The following POLDIP2 variants were observed in gnomAD, a reference collection of about 807,000 sequenced individuals.
POLDIP2 encodes the protein DNA polymerase delta interacting protein 2.
Under a neutral mutation model 52.9 loss-of-function variants are expected in POLDIP2, and 32 were observed. That is an observed-to-expected ratio of 0.61 (90% CI 0.46 to 0.81). The LOEUF (loss-of-function observed/expected upper bound fraction) is 0.81, where lower values mean the gene tolerates loss of function less well. POLDIP2 is among the 40% of genes least tolerant of loss of function. The pLI, the probability that POLDIP2 is intolerant of heterozygous loss-of-function variation, is 0.00. For missense variants in POLDIP2, 371 were observed against 477.3 expected, an observed-to-expected ratio of 0.78 and a Z score of 2.07; for synonymous variants, 183 against 183.0, an observed-to-expected ratio of 1.00 and a Z score of 0.00.
intron 10 of POLDIP2, among the ~76,000 whole-genome samples, chr17:28,348,791 A>G (rs1217134794): frequency 6.6e-6 from 1 of 152,236 alleles, no homozygotes; most frequent in Non-Finnish European, 1.5e-5. Flanking sequence ...CTGCATTTTC[A>G]GGTAAAGGAG....
At chr17:28,351,124 C>T (rs757794071) in intron 7 of POLDIP2, among the ~76,000 whole-genome samples, 3 of 152,180 alleles carry the variant, frequency 2.0e-5, no homozygotes, top group Non-Finnish European at 1.5e-5. Flanking sequence ...AGCCCCTGTC[C>T]TCCTCCTGTC....
At chr17:28,354,692 T>A in intron 2 of POLDIP2, 107 bp from the exon 3 acceptor site, 2 of 712,478 alleles carry the variant, frequency 2.8e-6, no homozygotes, top group Admixed American at 4.2e-5. Context: ...CACAAGGTCT[T>A]GCTACCTCTT....
Position 28,352,894 on chromosome 17 carries a change from C to A in POLDIP2, c.622+18G>T. ...AAAAGGCCCTCCCATTCCACCTCCC[C>A]TTCTTGAGAGAGATTACCTTTTGTC... On this transcript the variant is annotated intron_variant, in intron 6 of 10. Transcript: ENST00000540200. 1 of 1,507,050 alleles carries A rather than the reference C, an allele frequency of 6.6e-7. No individual in the cohort carries two copies. Among genetic ancestry groups the A allele is most frequent in the Non-Finnish European group, 9.2e-7 (1 of 1,086,066 alleles). The allele number at this position is 1,507,050 out of a possible 1,614,324, so 93.4% of individuals were successfully genotyped here. A position where few individuals can be genotyped will look rare whatever the true frequency, so the allele number is the denominator to read the frequency against.
intron 1 of POLDIP2, among the ~76,000 whole-genome samples, chr17:28,356,341 T>A (rs1908027385): frequency 6.6e-6 from 1 of 152,168 alleles, no homozygotes; most frequent in South Asian, 2.1e-4. Context: ...CTTATCTTTA[T>A]TAAATACTGT....
rs1183514915 is a variant in POLDIP2 at position 28,347,946 on chromosome 17, A to G, written c.*171T>C. ...GAGGCCAGCCTTGGAGGTGTCCCAC[A>G]TGGGTCTTCTGAAGAAAAGTTATAC... On this transcript the variant is annotated 3_prime_UTR_variant, in exon 11 of 11. Transcript: ENST00000540200. The G allele has an allele frequency of 3.3e-6, 2 of 600,716 alleles. No homozygotes were observed. The highest frequency in any genetic ancestry group is 5.6e-5 in the East Asian group (2 of 35,960). The allele number at this position is 600,716 out of a possible 1,614,324, so 37.2% of individuals were successfully genotyped here.
intron 4 of POLDIP2, 99 bp from the exon 5 acceptor site, chr17:28,353,415 G>A (rs1306156800): frequency 8.6e-6 from 6 of 694,352 alleles, no homozygotes; most frequent in Admixed American, 6.1e-5. Flanking sequence ...CCAGCTACTC[G>A]GGTGGCTGAG....
chr17:28,353,933 G>A, intron 3 of POLDIP2, 142 bp from the exon 4 acceptor site: 1 of 656,550 alleles, frequency 1.5e-6, no homozygotes, highest in Admixed American at 2.3e-5. Context: ...CTGCTCTGCA[G>A]CACCTCAGCT....
chr17:28,357,299 G>A lies in POLDIP2; in HGVS notation c.150C>T (p.His50=), dbSNP rs782441619. Residue 50 remains histidine (H), a synonymous_variant, in exon 1 of 11, where the codon CAC becomes CAT. Coordinates refer to ENST00000540200, the MANE Select transcript of POLDIP2 (RefSeq NM_015584.5). The part of the protein sequence containing the change: ...SPASTTTTRR[H]LSSRNRPEGK... ...GCTCCGTCCCTCACCGGGACGAGAG[G>A]TGCCTCCGCGTCGTCGTGGTCGACG... 4.4e-5 allele frequency: 69 copies of A among 1,577,998 alleles called. 2 individuals are homozygous for A. Among genetic ancestry groups the A allele is most frequent in the South Asian group, 2.8e-4 (25 of 89,246 alleles).
intron 6 of POLDIP2, among the ~76,000 whole-genome samples, 182 bp downstream of exon 6, chr17:28,352,730 G>A (rs1597800848): frequency 6.6e-6 from 1 of 151,694 alleles, no homozygotes; most frequent in Non-Finnish European, 1.5e-5. Context: ...GTAGAGACAG[G>A]GTTTCACCAG....
Position 28,348,169 on chromosome 17 carries a change from G to A in POLDIP2, c.1055C>T (p.Ser352Phe), listed in dbSNP as rs1555579310. The change falls in exon 11 of 11, where the codon TCC becomes TTC. Residue 352 changes from serine (S) to phenylalanine (F), a missense_variant. Ser to Phe is a radical substitution (Grantham distance 155). Coordinates refer to ENST00000540200, the MANE Select transcript of POLDIP2 (RefSeq NM_015584.5). ...CTTCTCATCTTTATTGCTTTCCAGG[G>A]AGAAGGGAGGAATCCGAACATCAAA... ...SHFDVRIPPF[S>F]LESNKDEKTP... 2 of 1,613,952 alleles carry A rather than the reference G, an allele frequency of 1.2e-6. No individual in the cohort carries two copies. The highest frequency in any genetic ancestry group is 2.2e-5 in the East Asian group (1 of 44,886).
At chr17:28,352,863 T>C (rs782677674) in intron 6 of POLDIP2, 49 bp downstream of exon 6, 1 of 1,145,180 alleles carries the variant, frequency 8.7e-7, no homozygotes, top group Non-Finnish European at 1.3e-6. Context: ...ATGATATTCT[T>C]TGATGAAAAG....
Position 28,347,586 on chromosome 17 carries a change from G to C in POLDIP2, c.*531C>G, listed in dbSNP as rs117812302. On this transcript the variant is annotated 3_prime_UTR_variant, in exon 11 of 11. Coordinates refer to ENST00000540200, the MANE Select transcript of POLDIP2 (RefSeq NM_015584.5). ...ATTTGGCAGAAGGTAAAGTGAACAAGAGTCCAGTCCAGCACCCCCGCCAAC... is the reference window on the plus strand; with the variant it reads ...ATTTGGCAGAAGGTAAAGTGAACAACAGTCCAGTCCAGCACCCCCGCCAAC... 3.5e-3 allele frequency: 536 copies of C among 154,312 alleles called. 4 individuals carry two copies. The highest frequency in any genetic ancestry group is 0.013 in the East Asian group (67 of 5,200). The allele number at this position is 154,312 out of a possible 1,614,324, so 9.6% of individuals were successfully genotyped here.
At chr17:28,348,339 A>C in intron 10 of POLDIP2, 108 bp from the exon 11 acceptor site, 2 of 684,444 alleles carry the variant, frequency 2.9e-6, no homozygotes, top group South Asian at 3.5e-5. Context: ...TGTGAGCCTG[A>C]GCTCTCTTCT....
chr17:28,349,042 G>C (rs1907695892), intron 10 of POLDIP2, 41 bp downstream of exon 10: 7 of 1,411,678 alleles, frequency 5.0e-6, no homozygotes, highest in Non-Finnish European at 7.0e-6. Flanking sequence ...GCTTCTGTTT[G>C]TGGAGCTGGG....
intron 3 of POLDIP2, 50 bp from the exon 4 acceptor site, chr17:28,353,841 T>C: frequency 1.6e-6 from 2 of 1,247,380 alleles, no homozygotes; most frequent in East Asian, 2.3e-5. Context: ...AAATGGAAGC[T>C]GTGGCTGACT....
chr17:28,350,707 C>T, intron 8 of POLDIP2, 59 bp downstream of exon 8: 1 of 1,562,404 alleles, frequency 6.4e-7, no homozygotes, highest in Non-Finnish European at 8.7e-7. Flanking sequence ...TCCCCCACCT[C>T]CACCCTGACC....
intron 8 of POLDIP2, 21 bp from the exon 9 acceptor site, chr17:28,350,584 A>T: frequency 6.2e-7 from 1 of 1,601,648 alleles, no homozygotes; most frequent in African/African-American, 1.3e-5. Flanking sequence ...TGTGGGAGAG[A>T]GAGTTTAAAA....
intron 2 of POLDIP2, 43 bp downstream of exon 2, chr17:28,355,752 G>T: frequency 6.8e-7 from 1 of 1,464,856 alleles, no homozygotes; most frequent in East Asian, 2.3e-5. Context: ...TTCAGAAGCA[G>T]AGCACTCTAT....
At chr17:28,356,602 C>G (rs1246760044) in intron 1 of POLDIP2, among the ~76,000 whole-genome samples, 1 of 152,236 alleles carries the variant, frequency 6.6e-6, no homozygotes, top group East Asian at 1.9e-4. Flanking sequence ...GCTATCATCT[C>G]TCCCCAATGT....
Sources: allele counts gnomAD v4.1 joint callset (sites outside exome capture counted in the v4.1 genomes callset), GRCh38; gene constraint gnomAD v4.1.1; transcripts MANE v1.5; gene names NCBI Gene and HGNC (gene_info 2026-07-23, HGNC 2026-07-21).